CA10: variants seen among roughly 807,000 people sequenced by gnomAD.
CA10 encodes the protein carbonic anhydrase 10 (inactive), also known as carbonic anhydrase-related protein 10.
CA10 carries 14 observed loss-of-function variants against 44.2 expected under a neutral mutation model. The ratio of observed to expected loss-of-function variants is 0.32; its 90% CI spans 0.21 to 0.50. The LOEUF is 0.50. CA10 is among the 20% of genes least tolerant of loss of function. CA10 has a pLI of 0.99. For missense variants in CA10, 350 were observed against 409.7 expected, an observed-to-expected ratio of 0.85 and a Z score of 1.26; for synonymous variants, 159 against 141.6, an observed-to-expected ratio of 1.12 and a Z score of -0.87.
chr17:51,880,557 C>T (rs899669878), intron 3 of CA10, among the ~76,000 whole-genome samples: 11 of 152,132 alleles, frequency 7.2e-5, no homozygotes, highest in African/African-American at 1.7e-4. Context: ...CTGCCTCAGC[C>T]TTTCAAAGTG....
intron 3 of CA10, among the ~76,000 whole-genome samples, chr17:51,768,089 A>G (rs1196589395): frequency 1.3e-5 from 2 of 152,068 alleles, no homozygotes; most frequent in African/African-American, 4.8e-5. Context: ...ATTATTTGCC[A>G]CAATTTCCTT....
intron 3 of CA10, among the ~76,000 whole-genome samples, chr17:51,851,795 T>C (rs1290184140): frequency 6.6e-6 from 1 of 152,248 alleles, no homozygotes; most frequent in Non-Finnish European, 1.5e-5. Flanking sequence ...CCATGTTTCC[T>C]CATGAATTAC....
intron 2 of CA10, among the ~76,000 whole-genome samples, chr17:52,029,251 G>T (rs551825774): frequency 7.9e-5 from 12 of 152,122 alleles, no homozygotes; most frequent in Admixed American, 2.0e-4. Flanking sequence ...ACCCCCTCTT[G>T]CCTGATTTAG....
chr17:51,717,423 C>T (rs929289166), intron 4 of CA10, among the ~76,000 whole-genome samples: 7 of 150,344 alleles, frequency 4.7e-5, no homozygotes, highest in Non-Finnish European at 1.0e-4. Context: ...AGTCGTTATT[C>T]GAAAAAGATA....
intron 3 of CA10, among the ~76,000 whole-genome samples, chr17:51,890,480 C>T (rs1305406611): frequency 6.6e-6 from 1 of 152,186 alleles, no homozygotes; most frequent in African/African-American, 2.4e-5. Context: ...CTAGGTCTCC[C>T]TACTACTGGG....
intron 3 of CA10, among the ~76,000 whole-genome samples, chr17:51,868,205 AC>A (rs1383113199): frequency 1.7e-4 from 26 of 152,034 alleles, no homozygotes; most frequent in African/African-American, 6.0e-4. Flanking sequence ...ATGGTGAACC[AC>A]GGTAATCTCT....
chr17:52,071,257 G>T (rs951503669), intron 2 of CA10, among the ~76,000 whole-genome samples: 1 of 152,202 alleles, frequency 6.6e-6, no homozygotes, highest in Non-Finnish European at 1.5e-5. Flanking sequence ...ATTCATTTCT[G>T]AGGCTATTTG....
intron 2 of CA10, among the ~76,000 whole-genome samples, chr17:51,939,704 A>G (rs749174298): frequency 6.6e-6 from 1 of 151,992 alleles, no homozygotes; most frequent in Non-Finnish European, 1.5e-5. Context: ...GATTATTTGC[A>G]TTTCTCTTCT....
chr17:51,633,099 G>GA (rs1248375987), intron 8 of CA10, among the ~76,000 whole-genome samples: 1 of 126,582 alleles, frequency 7.9e-6, no homozygotes, highest in Non-Finnish European at 1.7e-5. Context: ...GGGCTCTTTT[G>GA]AAAAATGGCA....
chr17:52,056,734 C>T (rs1412538954), intron 2 of CA10, among the ~76,000 whole-genome samples: 2 of 151,882 alleles, frequency 1.3e-5, no homozygotes, highest in Non-Finnish European at 2.9e-5. Flanking sequence ...ATTCTGTAAA[C>T]AATCCCATTA....
chr17:51,747,301 G>A (rs948347608), intron 4 of CA10, among the ~76,000 whole-genome samples: 1 of 152,212 alleles, frequency 6.6e-6, no homozygotes, highest in Non-Finnish European at 1.5e-5. Context: ...GCCCAGATAG[G>A]TGTAAGTAAA....
intron 2 of CA10, among the ~76,000 whole-genome samples, chr17:52,017,092 G>T (rs1985992427): frequency 6.6e-6 from 1 of 152,062 alleles, no homozygotes; most frequent in African/African-American, 2.4e-5. Flanking sequence ...AGAACTGTGA[G>T]CAAAATAAAC....
At chr17:52,150,331 CT>C (rs1337959109) in intron 1 of CA10, among the ~76,000 whole-genome samples, 1 of 152,156 alleles carries the variant, frequency 6.6e-6, no homozygotes, top group Admixed American at 6.5e-5. Flanking sequence ...TCCTCAAACA[CT>C]TTCTATACCT....
chr17:52,157,738 C>G lies in CA10; in HGVS notation c.49G>C (p.Val17Leu). 6.2e-7 allele frequency: 1 copy of G among 1,613,978 alleles called. No homozygotes were observed. The highest frequency in any genetic ancestry group is 2.2e-5 in the East Asian group (1 of 44,856). The stretch of plus-strand genomic sequence containing the variant: ...GCGCGTCCCGTACCTGATATGCAGA[C>G]GATGAAATTGGCTTGAAGAAGAAAA... ...VLFLLQANFI[V>L]CISAQQNSPK... The change falls in exon 1 of 9, where the codon GTC (valine) becomes CTC (leucine). Residue 17 changes from valine (V) to leucine (L), a missense_variant. Transcript: ENST00000451037.
At chr17:51,701,030 T>C (rs1324770651) in intron 4 of CA10, among the ~76,000 whole-genome samples, 1 of 152,108 alleles carries the variant, frequency 6.6e-6, no homozygotes, top group Non-Finnish European at 1.5e-5. Flanking sequence ...ATGGCACACG[T>C]ATACCTATGA....
chr17:51,977,448 A>T (rs1984501901), intron 2 of CA10, among the ~76,000 whole-genome samples: 1 of 152,024 alleles, frequency 6.6e-6, no homozygotes, highest in South Asian at 2.1e-4. Flanking sequence ...AAAGCATATA[A>T]TCATTTAGAT....
intron 4 of CA10, among the ~76,000 whole-genome samples, chr17:51,729,339 TTGTG>T (rs914871049): frequency 2.0e-5 from 3 of 151,972 alleles, no homozygotes; most frequent in Admixed American, 6.6e-5. Flanking sequence ...TTAAACTTTT[TTGTG>T]TGTGTGTGTG....
At chr17:51,886,845 G>A (rs1980624442) in intron 3 of CA10, among the ~76,000 whole-genome samples, 1 of 152,104 alleles carries the variant, frequency 6.6e-6, no homozygotes, top group South Asian at 2.1e-4. Context: ...CTCTCACCCT[G>A]GGATTTTGGT....
At chr17:51,803,515 G>A (rs1449052727) in intron 3 of CA10, among the ~76,000 whole-genome samples, 2 of 134,440 alleles carry the variant, frequency 1.5e-5, no homozygotes, top group African/African-American at 4.9e-5. Context: ...TGCCTATTTT[G>A]AAATCATGGA....
Sources: gnomAD v4.1 joint callset for allele counts (sites outside exome capture counted in the v4.1 genomes callset) on GRCh38, gnomAD v4.1.1 for gene constraint, MANE v1.5 for transcripts, NCBI Gene and HGNC (gene_info 2026-07-23, HGNC 2026-07-21) for gene names.